The following PDE4DIP variants were observed in gnomAD, a reference collection of about 807,000 sequenced individuals.
PDE4DIP encodes phosphodiesterase 4D interacting protein.
Under a neutral mutation model 221.4 loss-of-function variants are expected in PDE4DIP, and 59 were observed. The ratio of observed to expected loss-of-function variants is 0.27; its 90% confidence interval spans 0.22 to 0.33. The LOEUF is 0.33. Ranked by LOEUF, PDE4DIP falls within the 10% of genes least tolerant of loss-of-function variation. The pLI is 1.00. For synonymous variants in PDE4DIP, 404 were observed against 815.9 expected, an observed-to-expected ratio of 0.50 and a Z score of 8.60; for missense variants, 1,036 against 2,154.2, an observed-to-expected ratio of 0.48 and a Z score of 10.28.
chr1:148,995,951 C>T (rs1553564338), intron 22 of PDE4DIP, among the ~76,000 whole-genome samples: 3 of 150,060 alleles, frequency 2.0e-5, no homozygotes, highest in East Asian at 1.9e-4. Context: ...TAAAGTTAGC[C>T]AAAGAAAGTC....
chr1:148,994,582 TTA>T (rs10543456), intron 22 of PDE4DIP, among the ~76,000 whole-genome samples: 1 of 150,600 alleles, frequency 6.6e-6, no homozygotes, highest in African/African-American at 2.4e-5. Context: ...GGGTATATGA[TTA>T]TATATATATA....
At chr1:148,940,321 A>C (rs1453468539) in intron 5 of PDE4DIP, among the ~76,000 whole-genome samples, 2 of 151,534 alleles carry the variant, frequency 1.3e-5, no homozygotes, top group Non-Finnish European at 2.9e-5. Flanking sequence ...ATTGGGCAGA[A>C]GAAATGCATC....
intron 43 of PDE4DIP, chr1:149,030,525 A>C (rs1331723911): frequency 1.1e-6 from 1 of 932,592 alleles, no homozygotes; most frequent in African/African-American, 1.8e-5. Context: ...TCTCCTTTTT[A>C]CTCCAATTTT....
At chr1:149,000,745 A>G (rs2065456317) in intron 23 of PDE4DIP, among the ~76,000 whole-genome samples, 1 of 151,126 alleles carries the variant, frequency 6.6e-6, no homozygotes, top group Non-Finnish European at 1.5e-5. Flanking sequence ...AGCTAGCCAT[A>G]CCGTATATGC....
intron 32 of PDE4DIP, among the ~76,000 whole-genome samples, chr1:149,014,153 A>C (rs2069608462): frequency 1.5e-5 from 2 of 131,024 alleles, no homozygotes; most frequent in Non-Finnish European, 3.2e-5. Flanking sequence ...TGTAAAGCTC[A>C]GGGAAGTGAA....
intron 2 of PDE4DIP, among the ~76,000 whole-genome samples, chr1:148,865,070 A>AT (rs1419717273): frequency 7.1e-6 from 1 of 140,334 alleles, no homozygotes; most frequent in African/African-American, 2.9e-5. Context: ...GGAAGAAATC[A>AT]TTTTTTCTAA....
At chr1:148,965,525 G>A (rs782544267) in exon 10 of PDE4DIP, 3 of 1,612,978 alleles carry the variant, frequency 1.9e-6, no homozygotes, top group Non-Finnish European at 1.7e-6. Flanking sequence ...AAGAATTGCA[G>A]AATAAGAGCC....
At chr1:148,823,704 A>G (rs1669910825) in intron 1 of PDE4DIP, among the ~76,000 whole-genome samples, 1 of 150,558 alleles carries the variant, frequency 6.6e-6, no homozygotes, top group Admixed American at 6.6e-5. Context: ...GAAATCTCCA[A>G]ATAAACATTT....
In PDE4DIP at chr1:149,005,501, G is replaced by A. The variant is rs676778; in HGVS notation, c.4415+64G>A. 0.01 allele frequency: 11,751 copies of A among 1,170,328 alleles called. 206 individuals are homozygous for A. The African/African-American group carries it at 0.16, about 16-fold the overall frequency. 72.5% of individuals were successfully genotyped at this position (1,170,328 alleles called of 1,614,324 possible). ...ATGTGTAAGTTCATGCTTGGCGTAG[G>A]GTAGCTCAGGCAGTTGGAAGAAAGA... On this transcript the variant is annotated intron_variant, in intron 27 of 43. Transcript: ENST00000369354.
intron 1 of PDE4DIP, among the ~76,000 whole-genome samples, chr1:148,815,343 G>A (rs1243423455): frequency 3.5e-5 from 5 of 142,400 alleles, no homozygotes; most frequent in Non-Finnish European, 6.2e-5. Context: ...GAGGTCAGGA[G>A]ACAGAGACCA....
At chr1:149,023,184 G>A (rs1158261200) in intron 37 of PDE4DIP, among the ~76,000 whole-genome samples, 1 of 152,018 alleles carries the variant, frequency 6.6e-6, no homozygotes, top group East Asian at 1.9e-4. Context: ...TCAAAATCCA[G>A]TAAGATTTCC....
chr1:148,819,916 C>CTTTTTTT (rs10699564), intron 1 of PDE4DIP, among the ~76,000 whole-genome samples: 3 of 34,806 alleles, frequency 8.6e-5, no homozygotes, highest in African/African-American at 2.0e-4. Flanking sequence ...CTGTTTATAT[C>CTTTTTTT]TTTTTTTTTT....
intron 41 of PDE4DIP, 123 bp from the exon 45 acceptor site, chr1:149,029,664 G>A: frequency 1.3e-6 from 1 of 744,126 alleles, no homozygotes; most frequent in South Asian, 1.8e-5. Flanking sequence ...CTGTGAAGGA[G>A]GAAATCCAGT....
chr1:149,010,569 C>A (rs781843454), exon 31 of PDE4DIP: 31 of 1,614,112 alleles, frequency 1.9e-5, no homozygotes, highest in African/African-American at 1.9e-4. Context: ...CAGAATACCC[C>A]CAAGGAGGCC....
intron 31 of PDE4DIP, 65 bp downstream of exon 34, chr1:149,010,660 T>A: frequency 6.5e-7 from 1 of 1,542,840 alleles, no homozygotes; most frequent in South Asian, 1.2e-5. Context: ...TTGATTTTTC[T>A]TCAACGACAG....
intron 20 of PDE4DIP, among the ~76,000 whole-genome samples, chr1:148,980,641 TTTA>T (rs1213539108): frequency 1.3e-5 from 2 of 152,110 alleles, no homozygotes; most frequent in South Asian, 2.1e-4. Flanking sequence ...TTTTTCAATT[TTTA>T]TTATTATTAT....
intron 1 of PDE4DIP, among the ~76,000 whole-genome samples, chr1:148,861,669 AAGT>A (rs1684237992): frequency 8.7e-6 from 1 of 114,800 alleles, no homozygotes; most frequent in South Asian, 2.8e-4. Flanking sequence ...AGAAAGAGAG[AAGT>A]CCTCTACATC....
At chr1:148,972,853 T>C (rs1234529935) in intron 16 of PDE4DIP, among the ~76,000 whole-genome samples, 2 of 145,896 alleles carry the variant, frequency 1.4e-5, no homozygotes, top group Admixed American at 6.9e-5. Context: ...GATTCAGAAA[T>C]GCAGGAGGTA....
intron 4 of PDE4DIP, 94 bp from the exon 8 acceptor site, chr1:148,937,653 T>C (rs587601369): frequency 1.5e-6 from 1 of 667,832 alleles, no homozygotes; most frequent in South Asian, 1.8e-5. Flanking sequence ...AAACCTGCTA[T>C]ACTAGACCAT....
Sources: allele counts gnomAD v4.1 joint callset (sites outside exome capture counted in the v4.1 genomes callset), GRCh38; gene constraint gnomAD v4.1.1; transcripts MANE v1.5; gene names NCBI Gene and HGNC (gene_info 2026-07-23, HGNC 2026-07-21).